Variants in ANKLE2 observed in about 807,000 individuals in gnomAD.
ANKLE2 encodes the protein ankyrin repeat and LEM domain-containing protein 2.
Under a neutral mutation model 84.2 loss-of-function variants are expected in ANKLE2, and 55 were observed. That is an observed-to-expected ratio of 0.65 (90% confidence interval 0.53 to 0.82). The LOEUF (loss-of-function observed/expected upper bound fraction) is 0.82, where lower values mean the gene tolerates loss of function less well. Among genes scored for constraint, ANKLE2 ranks in the 40% least tolerant of loss-of-function variants. The probability of loss-of-function intolerance (pLI) is 0.00; values close to 1 mark genes in which losing one functional copy is unlikely to be tolerated. For synonymous variants in ANKLE2, 551 were observed against 486.1 expected, an observed-to-expected ratio of 1.13 and a Z score of -1.76; for missense variants, 1,238 against 1,201.9, an observed-to-expected ratio of 1.03 and a Z score of -0.44.
chr12:132,761,517 C>T, intron 1 of ANKLE2, 101 bp downstream of exon 1: 1 of 1,034,678 alleles, frequency 9.7e-7, no homozygotes, highest in Non-Finnish European at 1.2e-6. Flanking sequence ...CGCCCAACTG[C>T]TGCCGGCTCC....
intron 1 of ANKLE2, chr12:132,757,283 C>G (rs2044507392): frequency 6.6e-6 from 1 of 152,276 alleles, no homozygotes; most frequent in Admixed American, 6.5e-5. Context: ...CTCTCAATGA[C>G]AGAAAGGAAA....
chr12:132,732,378 C>T (rs1365993848), intron 10 of ANKLE2, among the ~76,000 whole-genome samples: 2 of 123,448 alleles, frequency 1.6e-5, no homozygotes, highest in Non-Finnish European at 3.3e-5. Context: ...CACTGTGAAG[C>T]GCTCTGCGTG....
rs563758924 is a variant in ANKLE2, at chr12:132,736,151, C to T, written c.1594-639G>A. Among the ~76,000 whole-genome samples the T allele has an allele frequency of 4.6e-5, 7 of 152,260 alleles. No homozygotes were observed. In the South Asian group the frequency reaches 8.3e-4, roughly 18 times the overall value. On this transcript the variant is annotated intron_variant, in intron 8 of 12. Coordinates refer to ENST00000357997, the MANE Select transcript of ANKLE2 (RefSeq NM_015114.3). ...TATTTTTAGTAGAGACGGGTTTCAC[C>T]GTGTTAGCCAGGATGGTCTCGATCT...
intron 5 of ANKLE2, among the ~76,000 whole-genome samples, chr12:132,746,351 A>AAAAAAAAAAAAAAAAAAAAAAAAAAAAG (rs2044239539): frequency 6.6e-6 from 1 of 150,546 alleles, no homozygotes; most frequent in Non-Finnish European, 1.5e-5. Context: ...TCTGTCTCAA[A>AAAAAAAAAAAAAAAAAAAAAAAAAAAAG]AAAAAAAAAA....
rs149671239 is a variant in ANKLE2 at position 132,746,246 on chromosome 12, G to A, written c.1230+1586C>T. Among the ~76,000 whole-genome samples, 301 of 151,992 alleles carry A rather than the reference G, an allele frequency of 2.0e-3. 1 individual carries two copies. Among genetic ancestry groups the A allele is most frequent in the African/African-American group, 6.5e-3 (271 of 41,404 alleles). On this transcript the variant is annotated intron_variant, in intron 5 of 12. Coordinates refer to ENST00000357997, the MANE Select transcript of ANKLE2 (RefSeq NM_015114.3). ...TGCCTGTAGTCCCAGCTACTCGGGA[G>A]GCTGAGGCAGGAGAATCAGTTGAAC...
chr12:132,732,884 G>C (rs1035804258), intron 10 of ANKLE2, among the ~76,000 whole-genome samples: 1 of 144,470 alleles, frequency 6.9e-6, no homozygotes, highest in African/African-American at 2.6e-5. Context: ...CTGCATCCTG[G>C]TGTCTGAAAT....
At chr12:132,736,467 G>C in intron 8 of ANKLE2, among the ~76,000 whole-genome samples, 1 of 152,250 alleles carries the variant, frequency 6.6e-6, no homozygotes, top group East Asian at 1.9e-4. Context: ...ACTTGTCTGA[G>C]AGGAAGCCAG....
At chr12:132,730,326 T>C in intron 10 of ANKLE2, 56 bp from the exon 11 acceptor site, 1 of 1,432,258 alleles carries the variant, frequency 7.0e-7, no homozygotes, top group Non-Finnish European at 9.3e-7. Context: ...GCCACGGAGC[T>C]GCTCCGCCCC....
intron 10 of ANKLE2, 136 bp from the exon 11 acceptor site, chr12:132,730,406 G>A (rs1470514003): frequency 7.2e-6 from 3 of 416,896 alleles, no homozygotes; most frequent in Non-Finnish European, 1.1e-5. Context: ...CTCCATCCGC[G>A]ACCAACTGCC....
In ANKLE2 at chr12:132,743,750, G is replaced by A. The variant is rs73487131; in HGVS notation, c.1231-474C>T. Among the ~76,000 whole-genome samples, 1,873 of 152,126 alleles carry A rather than the reference G, an allele frequency of 0.012. 17 individuals are homozygous for A. The highest frequency in any genetic ancestry group is 0.022 in the African/African-American group (901 of 41,482). On this transcript the variant is annotated intron_variant, in intron 5 of 12. Transcript: ENST00000357997. This position sits in a 1 kb window ranked among gnomAD's most constrained non-coding sequence, Gnocchi z 4.1. ...TGGCATTCTAGCACATACCCACTTC[G>A]TGCCAAGGCTTGAGCTTAGCATACT... is the stretch of plus-strand genomic sequence containing the variant.
rs1412590536 is a variant in ANKLE2, at chr12:132,743,840, C to T, written c.1231-564G>A. On this transcript the variant is annotated intron_variant, in intron 5 of 12. Transcript: ENST00000357997. This position sits in a 1 kb window ranked among gnomAD's most constrained non-coding sequence, Gnocchi z 4.1. ...ATAAACAGTGAACAGCAGCTTTAAC[C>T]ATTCAGGGCCCAGTACAATGTCATG... Among the ~76,000 whole-genome samples the T allele has an allele frequency of 1.3e-5, 2 of 152,140 alleles. No individual in the cohort carries two copies. Among genetic ancestry groups the T allele is most frequent in the Non-Finnish European group, 2.9e-5 (2 of 68,018 alleles).
intron 5 of ANKLE2, 87 bp downstream of exon 5, chr12:132,747,745 T>A: frequency 6.7e-7 from 1 of 1,497,894 alleles, no homozygotes; most frequent in Non-Finnish European, 9.0e-7. Flanking sequence ...ATTATACTAA[T>A]GAGTAACTTG....
chr12:132,728,445 G>A (rs1400468906), intron 11 of ANKLE2, among the ~76,000 whole-genome samples: 2 of 152,184 alleles, frequency 1.3e-5, no homozygotes, highest in African/African-American at 4.8e-5. Context: ...GGTCAGGCTG[G>A]TCTTGAACTC....
At chr12:132,755,209 T>C (rs1389334207) in intron 1 of ANKLE2, 76 bp from the exon 2 acceptor site, 1 of 1,308,786 alleles carries the variant, frequency 7.6e-7, no homozygotes, top group Non-Finnish European at 1.0e-6. Context: ...GTACTAGGGT[T>C]CATTATATAA....
Position 132,747,847 on chromosome 12 carries a change from G to A in ANKLE2, c.1215C>T (p.Asn405=), listed in dbSNP as rs1479005843. 3 of 1,604,906 alleles carry A rather than the reference G, an allele frequency of 1.9e-6. No individual in the cohort carries two copies. Among genetic ancestry groups the A allele is most frequent in the Non-Finnish European group, 2.5e-6 (3 of 1,177,862 alleles). The change falls in exon 5 of 13, where the codon AAC becomes AAT. Residue 405 remains asparagine, a synonymous_variant. Transcript: ENST00000357997. ...RIRYVVDLYL[N]TPDKMGYDTP... ...GTGCACGCACCATCTTGTCGGGGGTGTTGAGGTACAGGTCCACCACGTAAC... is the reference window on the plus strand; with the variant it reads ...GTGCACGCACCATCTTGTCGGGGGTATTGAGGTACAGGTCCACCACGTAAC...
At chr12:132,742,055 T>C (rs1472831770) in intron 6 of ANKLE2, 2 of 316,080 alleles carry the variant, frequency 6.3e-6, no homozygotes, top group African/African-American at 4.4e-5. Context: ...GAGAAACTAA[T>C]TAAAACTATG....
At chr12:132,729,616 G>T in intron 11 of ANKLE2, 63 bp downstream of exon 11, 1 of 388,238 alleles carries the variant, frequency 2.6e-6, no homozygotes, top group Admixed American at 3.7e-5. Context: ...GGAGGTGAGG[G>T]GAGGGGGAGG....
At chr12:132,728,888 C>T (rs2043764789) in intron 11 of ANKLE2, among the ~76,000 whole-genome samples, 1 of 152,202 alleles carries the variant, frequency 6.6e-6, no homozygotes, top group African/African-American at 2.4e-5. Context: ...GATGGCTTTT[C>T]TTCCTAGAAG....
rs749484112 is a variant in ANKLE2, at chr12:132,730,184, T to G, written c.1978A>C (p.Asn660His). The change falls in exon 11 of 13, where the codon AAT becomes CAT. Residue 660 changes from asparagine to histidine, a missense_variant. Asn to His is a moderately conservative substitution (Grantham distance 68, BLOSUM62 1). This residue lies in a region of ANKLE2 where 802 missense variants were observed against 774.5 expected (regional missense o/e 1.04). Transcript: ENST00000357997. ...GCACCGACTGTGGGCGGGCTGTTAT[T>G]TCGAGCTGCATTTTGCCGATTTTTT... ...EIKNRQNAAR[N>H]NSPPTVGAFG... 47 of 1,605,036 alleles carry G rather than the reference T, an allele frequency of 2.9e-5. No individual in the cohort carries two copies. Among genetic ancestry groups the G allele is most frequent in the Non-Finnish European group, 2.6e-6 (3 of 1,175,256 alleles).
Sources: allele counts gnomAD v4.1 joint callset (sites outside exome capture counted in the v4.1 genomes callset), GRCh38; gene constraint gnomAD v4.1.1; regional missense constraint gnomAD v4.1.1; non-coding constraint Gnocchi (gnomAD v3.1); transcripts MANE v1.5; gene names NCBI Gene and HGNC (gene_info 2026-07-23, HGNC 2026-07-21).